The following GRIK1 variants were observed in gnomAD, a reference collection of about 807,000 sequenced individuals.
GRIK1 encodes glutamate ionotropic receptor kainate type subunit 1.
A neutral mutation model predicts 105.7 loss-of-function variants in GRIK1; 69 were observed. The observed-to-expected ratio is 0.65, with a 90% confidence interval of 0.54 to 0.80. The LOEUF (loss-of-function observed/expected upper bound fraction) is 0.80. Ranked by LOEUF, GRIK1 falls within the 30% of genes least tolerant of loss-of-function variation. The pLI is 0.00. For synonymous variants in GRIK1, 438 were observed against 431.3 expected (o/e 1.02, Z -0.19); for missense variants, 1,109 against 1,167.3 (o/e 0.95, Z 0.73).
At chr21:29,879,642 G>A (rs2069323362) in intron 1 of GRIK1, among the ~76,000 whole-genome samples, 2 of 151,958 alleles carry the variant, frequency 1.3e-5, no homozygotes, top group Non-Finnish European at 2.9e-5. Flanking sequence ...CTTTGTTATT[G>A]CTGTTTTTTT....
chr21:29,639,787 G>A (rs1601344388), intron 7 of GRIK1, among the ~76,000 whole-genome samples: 1 of 152,190 alleles, frequency 6.6e-6, no homozygotes, highest in South Asian at 2.1e-4. Context: ...CTTATGTAGT[G>A]GAGTTCCAGT....
At chr21:29,823,677 C>T (rs984267477) in intron 1 of GRIK1, among the ~76,000 whole-genome samples, 5 of 151,868 alleles carry the variant, frequency 3.3e-5, no homozygotes, top group African/African-American at 1.2e-4. Flanking sequence ...ATATTCCAAC[C>T]ATGCTGTAAG....
At chr21:29,891,804 C>T (rs1257191279) in intron 1 of GRIK1, among the ~76,000 whole-genome samples, 1 of 151,998 alleles carries the variant, frequency 6.6e-6, no homozygotes, top group Non-Finnish European at 1.5e-5. Flanking sequence ...AATTTATATA[C>T]TAAGTATTAA....
chr21:29,836,319 A>T (rs2067805498), intron 1 of GRIK1, among the ~76,000 whole-genome samples: 1 of 152,112 alleles, frequency 6.6e-6, no homozygotes, highest in Non-Finnish European at 1.5e-5. Flanking sequence ...AAAAGTACTA[A>T]GTCAGATGAT....
chr21:29,694,351 T>C (rs1458840337), intron 1 of GRIK1, among the ~76,000 whole-genome samples: 3 of 152,084 alleles, frequency 2.0e-5, no homozygotes, highest in Non-Finnish European at 2.9e-5. Context: ...CTCGAACTCC[T>C]GACCTCAGGT....
chr21:29,708,557 GT>G (rs1320880014), intron 1 of GRIK1, among the ~76,000 whole-genome samples: 2 of 152,184 alleles, frequency 1.3e-5, no homozygotes, highest in African/African-American at 2.4e-5. Context: ...CTAACATGGG[GT>G]TGGTTGGGGC....
chr21:29,925,660 A>C (rs1483372183), intron 1 of GRIK1, among the ~76,000 whole-genome samples: 3 of 152,148 alleles, frequency 2.0e-5, no homozygotes, highest in African/African-American at 7.2e-5. Flanking sequence ...AGTACAGCAA[A>C]CTTAGCATAC....
intron 1 of GRIK1, among the ~76,000 whole-genome samples, chr21:29,770,462 A>G (rs2065786571): frequency 1.3e-5 from 2 of 152,190 alleles, no homozygotes; most frequent in Non-Finnish European, 2.9e-5. Flanking sequence ...GGGACAAATG[A>G]CTGCTAATAT....
intron 1 of GRIK1, among the ~76,000 whole-genome samples, chr21:29,894,376 A>G (rs2070029172): frequency 6.6e-6 from 1 of 152,122 alleles, no homozygotes; most frequent in African/African-American, 2.4e-5. Flanking sequence ...TCAGTCCAAG[A>G]GTCCAAAAGC....
intron 1 of GRIK1, among the ~76,000 whole-genome samples, chr21:29,888,200 T>TTTCTTTCTTC (rs1334429767): frequency 2.5e-4 from 8 of 31,616 alleles, no homozygotes; most frequent in Non-Finnish European, 6.0e-4. Context: ...TTTCTTTCTC[T>TTTCTTTCTTC]CTCTCTCTCT....
intron 1 of GRIK1, among the ~76,000 whole-genome samples, chr21:29,803,431 C>A (rs1056703245): frequency 3.3e-5 from 5 of 152,128 alleles, no homozygotes; most frequent in Admixed American, 2.6e-4. Context: ...ACATTTCCTG[C>A]CTCTTATCCT....
At chr21:29,740,834 C>T (rs573112976) in intron 1 of GRIK1, among the ~76,000 whole-genome samples, 8 of 152,182 alleles carry the variant, frequency 5.3e-5, no homozygotes, top group Admixed American at 2.0e-4. Flanking sequence ...GCACTGCAGA[C>T]GACTCAGGGG....
intron 1 of GRIK1, among the ~76,000 whole-genome samples, chr21:29,706,453 C>T (rs1376086553): frequency 6.6e-6 from 1 of 152,154 alleles, no homozygotes; most frequent in Non-Finnish European, 1.5e-5. Flanking sequence ...TCATAAGTTA[C>T]CCCAGAATAC....
At chr21:29,541,540 T>C (rs2089969289) in intron 16 of GRIK1, among the ~76,000 whole-genome samples, 2 of 150,706 alleles carry the variant, frequency 1.3e-5, no homozygotes, top group East Asian at 3.9e-4. Context: ...CCATAGTATA[T>C]ATTTTAACTC....
intron 1 of GRIK1, among the ~76,000 whole-genome samples, chr21:29,872,296 C>T (rs2146140895): frequency 6.6e-6 from 1 of 151,688 alleles, no homozygotes; most frequent in African/African-American, 2.4e-5. Flanking sequence ...TGGGTTCACG[C>T]CATTCTCCTG....
In GRIK1 at chr21:29,720,483, ATGTGTGTGTATATG is replaced by A. The variant is rs1292905315; in HGVS notation, c.119-26434_119-26421del. 2.0e-5 allele frequency among the ~76,000 whole-genome samples: 3 copies of A among 151,764 alleles called. No homozygotes were observed. The East Asian group carries it at 5.8e-4, about 29-fold the overall frequency. On this transcript the variant is annotated intron_variant, in intron 1 of 17. Transcript: ENST00000327783. ...GTTAAGTGATAGAGCAACCAGTTGC[ATGTGTGTGTATATG>A]TGTGTGTGTGTGTGTATGCTGCGTG...
intron 1 of GRIK1, among the ~76,000 whole-genome samples, chr21:29,750,423 C>T (rs73186449): frequency 2.2e-3 from 329 of 152,218 alleles, no homozygotes; most frequent in Non-Finnish European, 3.7e-3. Context: ...TCAACAGTGA[C>T]GACAGGAGGC....
chr21:29,767,864 ATGTGTGTGTG>A (rs60618188), intron 1 of GRIK1, among the ~76,000 whole-genome samples: 18,635 of 147,238 alleles, frequency 0.13, 1,185 homozygotes, highest in Non-Finnish European at 0.15. Flanking sequence ...GCTGAAATTC[ATGTGTGTGTG>A]TGTGTGTGTG....
At chr21:29,935,480 G>T (rs1009481659) in intron 1 of GRIK1, among the ~76,000 whole-genome samples, 2 of 152,122 alleles carry the variant, frequency 1.3e-5, no homozygotes, top group African/African-American at 4.8e-5. Context: ...TAAAAATAAA[G>T]TCATGGGTCT....
Sources: allele counts gnomAD v4.1 joint callset (sites outside exome capture counted in the v4.1 genomes callset), GRCh38; gene constraint gnomAD v4.1.1; transcripts MANE v1.5; gene names NCBI Gene and HGNC (gene_info 2026-07-23, HGNC 2026-07-21).